Variants in CNTNAP2 observed in about 807,000 individuals in gnomAD.
CNTNAP2 encodes contactin associated protein 2.
In CNTNAP2, 98 loss-of-function variants were observed where a neutral mutation model predicts 155.2. The observed-to-expected ratio is 0.63, with a 90% CI of 0.54 to 0.75. The LOEUF (loss-of-function observed/expected upper bound fraction) is 0.75, where lower values mean the gene tolerates loss of function less well. Ranked by LOEUF, CNTNAP2 falls within the 30% of genes least tolerant of loss-of-function variation. CNTNAP2 has a pLI of 0.00. For missense variants in CNTNAP2, 1,727 were observed against 1,688.1 expected (o/e 1.02, Z -0.40); for synonymous variants, 651 against 631.2 (o/e 1.03, Z -0.47).
chr7:147,994,019 T>TAC (rs749545119), intron 15 of CNTNAP2, among the ~76,000 whole-genome samples: 21 of 151,616 alleles, frequency 1.4e-4, no homozygotes, highest in East Asian at 5.8e-4. Flanking sequence ...CAATTACACA[T>TAC]ACACACACAC....
chr7:146,603,698 C>G (rs1798990387), intron 1 of CNTNAP2, among the ~76,000 whole-genome samples: 1 of 151,084 alleles, frequency 6.6e-6, no homozygotes, highest in African/African-American at 2.4e-5. Context: ...GTAACCAAAA[C>G]AGCATGGTAC....
At chr7:147,040,451 A>ATTTT (rs34880534) in intron 3 of CNTNAP2, among the ~76,000 whole-genome samples, 4 of 80,828 alleles carry the variant, frequency 4.9e-5, no homozygotes, top group East Asian at 4.5e-4. Flanking sequence ...TTAAGAGTGA[A>ATTTT]TTTTTTTTTT....
intron 15 of CNTNAP2, among the ~76,000 whole-genome samples, chr7:148,032,236 C>T (rs1802491470): frequency 6.6e-6 from 1 of 152,164 alleles, no homozygotes; most frequent in Admixed American, 6.5e-5. Flanking sequence ...GACAGTCCAT[C>T]TATGTCTCAC....
chr7:147,532,808 G>A (rs1799466478), intron 11 of CNTNAP2, among the ~76,000 whole-genome samples: 1 of 152,142 alleles, frequency 6.6e-6, no homozygotes, highest in African/African-American at 2.4e-5. Context: ...GATCTCATGA[G>A]ACTTATTTAC....
chr7:147,861,999 C>CAAAAAAAAAAAAAAAAAA (rs57139075), intron 13 of CNTNAP2, among the ~76,000 whole-genome samples: 23 of 94,950 alleles, frequency 2.4e-4, no homozygotes, highest in Non-Finnish European at 4.0e-4. Context: ...CTCCATCTCA[C>CAAAAAAAAAAAAAAAAAA]AAAAAAAAAA....
intron 8 of CNTNAP2, among the ~76,000 whole-genome samples, chr7:147,242,667 C>T (rs1038651880): frequency 1.3e-5 from 2 of 151,998 alleles, no homozygotes; most frequent in Non-Finnish European, 2.9e-5. Flanking sequence ...ACTTTAAATT[C>T]TTCCATTTAT....
intron 1 of CNTNAP2, among the ~76,000 whole-genome samples, chr7:146,618,205 A>G (rs1321207355): frequency 6.6e-6 from 1 of 152,162 alleles, no homozygotes; most frequent in East Asian, 1.9e-4. Context: ...CACCTTTTTC[A>G]TAAGCTGCTT....
intron 1 of CNTNAP2, among the ~76,000 whole-genome samples, chr7:146,213,698 A>G (rs1799071003): frequency 1.3e-5 from 2 of 152,184 alleles, no homozygotes; most frequent in Non-Finnish European, 2.9e-5. Flanking sequence ...TTCCCAAGCC[A>G]TGTTCTCTAA....
intron 8 of CNTNAP2, among the ~76,000 whole-genome samples, chr7:147,278,723 G>A (rs1395895875): frequency 2.6e-5 from 4 of 151,306 alleles, no homozygotes; most frequent in African/African-American, 4.8e-5. Context: ...CGTGATAATT[G>A]TCTCCATTAT....
At chr7:147,984,444 GC>G (rs1229722383) in intron 15 of CNTNAP2, among the ~76,000 whole-genome samples, 1 of 152,136 alleles carries the variant, frequency 6.6e-6, no homozygotes, top group East Asian at 1.9e-4. Context: ...GTTATTAGGT[GC>G]TTTGCCAATA....
chr7:147,608,127 C>A (rs776367968), intron 12 of CNTNAP2, among the ~76,000 whole-genome samples: 2 of 151,746 alleles, frequency 1.3e-5, no homozygotes, highest in African/African-American at 2.4e-5. Flanking sequence ...ATGGAAGCTC[C>A]CATGCTCACG....
intron 8 of CNTNAP2, among the ~76,000 whole-genome samples, chr7:147,178,546 GA>G (rs1802393907): frequency 6.6e-6 from 1 of 152,114 alleles, no homozygotes; most frequent in Non-Finnish European, 1.5e-5. Flanking sequence ...TAACATTCTG[GA>G]GTTTAAGAGT....
chr7:147,345,327 T>C (rs558841300), intron 9 of CNTNAP2, among the ~76,000 whole-genome samples: 2 of 152,324 alleles, frequency 1.3e-5, no homozygotes, highest in East Asian at 3.9e-4. Flanking sequence ...TTTTAAAACT[T>C]TATAACTTTA....
At chr7:146,431,089 C>A (rs1035038587) in intron 1 of CNTNAP2, among the ~76,000 whole-genome samples, 4 of 151,868 alleles carry the variant, frequency 2.6e-5, no homozygotes, top group Admixed American at 6.6e-5. Context: ...GTCCATCTGG[C>A]AAGAGGAGGT....
chr7:146,488,916 G>A (rs1016952630), intron 1 of CNTNAP2, among the ~76,000 whole-genome samples: 3 of 152,178 alleles, frequency 2.0e-5, no homozygotes, highest in African/African-American at 7.2e-5. Flanking sequence ...CACCACGCTA[G>A]GGCACAACAG....
At chr7:147,670,743 C>T (rs1795773514) in intron 13 of CNTNAP2, among the ~76,000 whole-genome samples, 1 of 152,178 alleles carries the variant, frequency 6.6e-6, no homozygotes, top group Non-Finnish European at 1.5e-5. Flanking sequence ...CCGACAGTTG[C>T]CATCCTTCAG....
At chr7:146,767,647 G>A (rs561827161) in intron 1 of CNTNAP2, among the ~76,000 whole-genome samples, 17 of 152,234 alleles carry the variant, frequency 1.1e-4, no homozygotes, top group South Asian at 4.1e-4. Context: ...AGGAAAATAT[G>A]GTATAAGTGA....
At chr7:146,524,638 C>G (rs1034984207) in intron 1 of CNTNAP2, among the ~76,000 whole-genome samples, 1 of 152,092 alleles carries the variant, frequency 6.6e-6, no homozygotes, top group Non-Finnish European at 1.5e-5. Flanking sequence ...TTTCTCACCA[C>G]AATGCCTTAG....
chr7:146,428,677 A>T (rs371933275), intron 1 of CNTNAP2, among the ~76,000 whole-genome samples: 1 of 151,762 alleles, frequency 6.6e-6, no homozygotes, highest in Non-Finnish European at 1.5e-5. Flanking sequence ...AGATTGCAAA[A>T]ATCTTCTCCC....
Sources: gnomAD v4.1 joint callset for allele counts (sites outside exome capture counted in the v4.1 genomes callset) on GRCh38, gnomAD v4.1.1 for gene constraint, MANE v1.5 for transcripts, NCBI Gene and HGNC (gene_info 2026-07-23, HGNC 2026-07-21) for gene names.